Variants in PRR5 observed in about 807,000 individuals in gnomAD.
PRR5 encodes proline rich 5, also known as proline-rich protein 5.
In PRR5, 25 loss-of-function variants were observed where a neutral mutation model predicts 30.6. That is an observed-to-expected ratio of 0.82 (90% CI 0.60 to 1.14). PRR5 has a LOEUF of 1.14. PRR5 is among the 50% of genes most tolerant of loss of function. The pLI is 0.00. For missense variants in PRR5, 600 were observed against 547.1 expected (o/e 1.10, Z -0.96); for synonymous variants, 286 against 247.1 (o/e 1.16, Z -1.48).
chr22:44,692,818 GC>G (rs1356542319), intron 1 of PRR5, among the ~76,000 whole-genome samples: 4 of 152,254 alleles, frequency 2.6e-5, no homozygotes, highest in African/African-American at 9.6e-5. Flanking sequence ...CCCCGGGCCT[GC>G]CTGGCAGGGC....
In PRR5 at chr22:44,718,192, C is replaced by CTTTTTTTTTTT. The variant is rs34868054; in HGVS notation, c.215+3531_215+3541dup. Among the ~76,000 whole-genome samples the CTTTTTTTTTTT allele has an allele frequency of 2.9e-3, 278 of 94,572 alleles. 21 individuals are homozygous for CTTTTTTTTTTT. The highest frequency in any genetic ancestry group is 8.4e-3 in the African/African-American group (197 of 23,496). 62.0% of individuals were successfully genotyped at this position (94,572 alleles called of 152,430 possible). On this transcript the variant is annotated intron_variant, in intron 2 of 7. Transcript: ENST00000336985. The stretch of plus-strand genomic sequence containing the variant: ...TGTGTGGATGCACGTTTTCATCTCT[C>CTTTTTTTTTTT]TTTTTTTTTTTTTTTTTTTTGAGAC...
chr22:44,726,437 G>A, intron 3 of PRR5, 140 bp from the exon 4 acceptor site: 1 of 1,224,458 alleles, frequency 8.2e-7, no homozygotes, highest in South Asian at 1.4e-5. Flanking sequence ...TGCAGCAGGT[G>A]GACTGTGGGA....
chr22:44,693,791 G>A (rs1163009480), intron 1 of PRR5, among the ~76,000 whole-genome samples: 2 of 80,308 alleles, frequency 2.5e-5, no homozygotes, highest in Admixed American at 2.9e-4. Context: ...CACCACACTC[G>A]GCTATTTTTT....
intron 4 of PRR5, chr22:44,729,867 C>T (rs962198065): frequency 1.4e-4 from 139 of 985,358 alleles, no homozygotes; most frequent in Non-Finnish European, 1.6e-4. Flanking sequence ...AGCCACCCCC[C>T]GGCCAGCCCG....
chr22:44,732,912 C>T (rs530167974), intron 6 of PRR5, among the ~76,000 whole-genome samples: 13 of 143,080 alleles, frequency 9.1e-5, no homozygotes, highest in Middle Eastern at 3.7e-3. Flanking sequence ...CGCATACACA[C>T]TACACACGTG....
chr22:44,736,595 T>A (rs1356910119), intron 7 of PRR5, among the ~76,000 whole-genome samples, 177 bp from the exon 8 acceptor site: 2 of 150,282 alleles, frequency 1.3e-5, no homozygotes, highest in Non-Finnish European at 2.9e-5. Flanking sequence ...GAAGAGAGAC[T>A]GGAACCTGAG....
At chr22:44,676,260 A>C (rs1271501562), upstream of PRR5, among the ~76,000 whole-genome samples, 1 of 151,478 alleles carries the variant, frequency 6.6e-6, no homozygotes, top group African/African-American at 2.4e-5. Flanking sequence ...GCATGGTGGC[A>C]TGCACTTGTG....
chr22:44,714,469 G>T, intron 1 of PRR5, 122 bp from the exon 2 acceptor site: 1 of 1,368,206 alleles, frequency 7.3e-7, no homozygotes, highest in Non-Finnish European at 1.0e-6. Flanking sequence ...GGTGTGAGCA[G>T]GGTCCTGCAG....
chr22:44,735,172 C>T lies in PRR5; in HGVS notation c.691+10C>T, dbSNP rs769417588. 2.2e-5 allele frequency: 36 copies of T among 1,610,862 alleles called. No individual in the cohort carries two copies. Among genetic ancestry groups the T allele is most frequent in the African/African-American group, 1.6e-4 (12 of 74,846 alleles). On this transcript the variant is annotated intron_variant, in intron 7 of 7. Transcript: ENST00000336985. ...CATTCCTGCATCCTGGGTAGGGGTC[C>T]GCCTGGGCCTTGGGCTGGGGCAGGG...
Position 44,669,893 on chromosome 22 carries a change from C to T in PRR5, c.-11+1088C>T, listed in dbSNP as rs369051441. 3.9e-5 allele frequency among the ~76,000 whole-genome samples: 6 copies of T among 152,264 alleles called. No individual in the cohort carries two copies. The East Asian group carries it at 5.8e-4, about 15-fold the overall frequency. On this transcript the variant is annotated intron_variant, in intron 1 of 8. Coordinates refer to the PRR5 transcript ENST00000432186. ...GGAGGGCGCCTCCCTGTGGCCCCTC[C>T]GGCCTTCTGCACTCGGCGCAGCCTC...
chr22:44,732,927 C>A lies in PRR5; in HGVS notation c.555+536C>A, dbSNP rs114693657. Among the ~76,000 whole-genome samples the A allele has an allele frequency of 9.8e-3, 1,395 of 142,896 alleles. 36 individuals are homozygous for A. Among genetic ancestry groups the A allele is most frequent in the African/African-American group, 0.034 (1,342 of 39,978 alleles). The allele number at this position is 142,896 out of a possible 152,430, so 93.7% of individuals were successfully genotyped here. Reference sequence around the variant, plus strand: ...CGCATACACACTACACACGTGCGCACGCACATACTACACACGTGTGCACAC... The same window carrying A: ...CGCATACACACTACACACGTGCGCAAGCACATACTACACACGTGTGCACAC... On this transcript the variant is annotated intron_variant, in intron 6 of 7. Coordinates refer to ENST00000336985, the MANE Select transcript of PRR5 (RefSeq NM_181333.4).
rs1922157425 is a variant in PRR5, at chr22:44,732,285, T to C, written c.449T>C (p.Leu150Pro). Residue 150 changes from leucine to proline, a missense_variant, in exon 6 of 8, where the codon CTG becomes CCG. Leu to Pro is a moderately conservative substitution (Grantham distance 98). Transcript: ENST00000336985. ...KEPSVRQLALLHFRNAITLSV... is the reference protein window; with the variant it reads ...KEPSVRQLALPHFRNAITLSV... ...CCATCGGTGCGCCAGCTGGCCCTGC[T>C]GCACTTCCGGAATGCCATCACCCTC... is the stretch of plus-strand genomic sequence containing the variant. 1.2e-6 allele frequency: 2 copies of C among 1,612,184 alleles called. No homozygotes were observed. The highest frequency in any genetic ancestry group is 1.7e-6 in the Non-Finnish European group (2 of 1,179,944).
rs1427496084 is a variant in PRR5, at chr22:44,732,779, GCACGCACATACTACATGTGCA to G, written c.555+395_555+415del. 1.1e-4 allele frequency among the ~76,000 whole-genome samples: 12 copies of G among 105,096 alleles called. No homozygotes were observed. In the East Asian group the frequency reaches 1.1e-3, roughly 10 times the overall value. 68.9% of individuals were successfully genotyped at this position (105,096 alleles called of 152,430 possible). On this transcript the variant is annotated intron_variant, in intron 6 of 7. Transcript: ENST00000336985. ...GCACACGCTACACACATGCCTGTGT[GCACGCACATACTACATGTGCA>G]CACGCATACACACTACACGTGTGCA...
At chr22:44,730,848 G>A (rs960517687) in intron 4 of PRR5, 16 of 441,328 alleles carry the variant, frequency 3.6e-5, no homozygotes, top group African/African-American at 1.8e-4. Flanking sequence ...CCCTTTCCTC[G>A]GAGGCTCAGC....
rs972977257 is a variant in PRR5, at chr22:44,702,726, C to G, written c.134+118C>G. 6 of 1,214,208 alleles carry G rather than the reference C, an allele frequency of 4.9e-6. No individual in the cohort carries two copies. In the African/African-American group the frequency reaches 9.5e-5, roughly 19 times the overall value. The allele number at this position is 1,214,208 out of a possible 1,614,324, so 75.2% of individuals were successfully genotyped here. On this transcript the variant is annotated intron_variant, in intron 1 of 7. Coordinates refer to ENST00000336985, the MANE Select transcript of PRR5 (RefSeq NM_181333.4). The stretch of plus-strand genomic sequence containing the variant: ...GAACGCTGCCGAAGGCGGCGCGGCG[C>G]TTCACAGTTTGCAAAGAACTTGCCC...
intron 2 of PRR5, among the ~76,000 whole-genome samples, chr22:44,724,967 C>G (rs531015049): frequency 2.0e-5 from 3 of 152,312 alleles, no homozygotes; most frequent in African/African-American, 7.2e-5. Context: ...GCAGAGGCCA[C>G]TGTCTTCCCT....
chr22:44,672,773 T>G (rs978687235), upstream of PRR5, among the ~76,000 whole-genome samples: 1 of 152,072 alleles, frequency 6.6e-6, no homozygotes, highest in Non-Finnish European at 1.5e-5. Flanking sequence ...AGGCACTGTC[T>G]CACCTACTCC....
chr22:44,733,330 G>A (rs1000817152), intron 6 of PRR5, among the ~76,000 whole-genome samples: 2 of 152,266 alleles, frequency 1.3e-5, no homozygotes, highest in Non-Finnish European at 2.9e-5. Context: ...TACAGGTAGG[G>A]GACCCAAGTC....
chr22:44,709,863 C>CA (rs1927887163), intron 1 of PRR5, among the ~76,000 whole-genome samples: 1 of 152,118 alleles, frequency 6.6e-6, no homozygotes, highest in African/African-American at 2.4e-5. Flanking sequence ...AAAAAACAAA[C>CA]AGAGAAAAAG....
Sources: gnomAD v4.1 joint callset for allele counts (sites outside exome capture counted in the v4.1 genomes callset) on GRCh38, gnomAD v4.1.1 for gene constraint, MANE v1.5 for transcripts, NCBI Gene and HGNC (gene_info 2026-07-23, HGNC 2026-07-21) for gene names.